PLCH1: variants seen among roughly 807,000 people sequenced by gnomAD.
PLCH1 encodes the protein phospholipase C eta 1, also known as 1-phosphatidylinositol 4,5-bisphosphate phosphodiesterase eta-1.
A neutral mutation model predicts 126.7 loss-of-function variants in PLCH1; 60 were observed. That is an observed-to-expected ratio of 0.47 (90% confidence interval 0.38 to 0.59). The LOEUF is 0.59. Among genes scored for constraint, PLCH1 ranks in the 20% least tolerant of loss-of-function variants. The pLI, the probability that PLCH1 is intolerant of heterozygous loss-of-function variation, is 0.00. For missense variants in PLCH1, 1,723 were observed against 2,040.0 expected (o/e 0.84, Z 2.99); for synonymous variants, 719 against 734.9 (o/e 0.98, Z 0.35).
At chr3:155,588,390 T>C (rs888439467) in intron 4 of PLCH1, among the ~76,000 whole-genome samples, 6 of 152,042 alleles carry the variant, frequency 3.9e-5, no homozygotes, top group Middle Eastern at 3.2e-3. Flanking sequence ...CTGAGTCTCA[T>C]TTTCTTCTGT....
chr3:155,624,912 C>A (rs577381378), intron 2 of PLCH1, among the ~76,000 whole-genome samples: 1 of 152,204 alleles, frequency 6.6e-6, no homozygotes, highest in South Asian at 2.1e-4. Context: ...TCATATGGAA[C>A]AACAAAAGAG....
At chr3:155,527,058 G>A (rs1375738247) in intron 10 of PLCH1, among the ~76,000 whole-genome samples, 1 of 152,064 alleles carries the variant, frequency 6.6e-6, no homozygotes, top group Non-Finnish European at 1.5e-5. Flanking sequence ...GGTTCAACTT[G>A]GTCCCACTTT....
intron 10 of PLCH1, among the ~76,000 whole-genome samples, chr3:155,549,160 T>G (rs1469343947): frequency 6.6e-6 from 1 of 152,194 alleles, no homozygotes; most frequent in Non-Finnish European, 1.5e-5. Flanking sequence ...AAGAACTGTC[T>G]TTCTGGCTAT....
intron 21 of PLCH1, among the ~76,000 whole-genome samples, chr3:155,459,573 GA>G (rs1397045871): frequency 1.3e-5 from 2 of 152,142 alleles, no homozygotes; most frequent in African/African-American, 4.8e-5. Context: ...GAGTAATTGA[GA>G]AAGGGGTCAG....
intron 2 of PLCH1, among the ~76,000 whole-genome samples, chr3:155,678,381 G>A (rs1197009317): frequency 5.3e-5 from 8 of 152,098 alleles, no homozygotes; most frequent in Admixed American, 5.2e-4. Flanking sequence ...TAGGGCAGGT[G>A]GGCAAGCTTT....
chr3:155,474,010 G>C (rs971911255), intron 21 of PLCH1, among the ~76,000 whole-genome samples: 2 of 151,908 alleles, frequency 1.3e-5, no homozygotes, highest in African/African-American at 4.8e-5. Flanking sequence ...CAGGACATAG[G>C]CATGGGCAAG....
chr3:155,584,852 C>T (rs928181672), intron 5 of PLCH1, among the ~76,000 whole-genome samples: 1 of 152,132 alleles, frequency 6.6e-6, no homozygotes, highest in Non-Finnish European at 1.5e-5. Context: ...TGTCCCCCCC[C>T]TTTAGGATTG....
chr3:155,719,139 G>C (rs1267947471), intron 1 of PLCH1, among the ~76,000 whole-genome samples: 1 of 152,132 alleles, frequency 6.6e-6, no homozygotes, highest in Admixed American at 6.6e-5. Flanking sequence ...TACCCAATGT[G>C]TAGTGTAGTC....
chr3:155,640,103 C>A (rs568762946), intron 2 of PLCH1, among the ~76,000 whole-genome samples: 1 of 152,310 alleles, frequency 6.6e-6, no homozygotes, highest in Admixed American at 6.5e-5. Flanking sequence ...CGGACTTATA[C>A]AAACCTCTAT....
intron 1 of PLCH1, among the ~76,000 whole-genome samples, chr3:155,719,016 G>GT: frequency 6.6e-6 from 1 of 151,816 alleles, no homozygotes; most frequent in East Asian, 1.9e-4. Flanking sequence ...ATGCATGGAA[G>GT]TTTTTTTTCC....
At chr3:155,713,505 T>C (rs358719) in intron 1 of PLCH1, among the ~76,000 whole-genome samples, 1,991 of 151,870 alleles carry the variant, frequency 0.013, 23 homozygotes, top group Non-Finnish European at 0.021. Context: ...GTCTGAGAGG[T>C]GTGTGTGTTC....
intron 2 of PLCH1, among the ~76,000 whole-genome samples, chr3:155,677,247 C>T (rs1744168658): frequency 6.6e-6 from 1 of 152,220 alleles, no homozygotes; most frequent in African/African-American, 2.4e-5. Context: ...AGGCAATTCC[C>T]ACCAGGGCCA....
At chr3:155,563,065 TA>T in intron 8 of PLCH1, among the ~76,000 whole-genome samples, 1 of 152,344 alleles carries the variant, frequency 6.6e-6, no homozygotes, top group Middle Eastern at 3.4e-3. Flanking sequence ...TATTCCTTTC[TA>T]ACCCTTTCAT....
intron 2 of PLCH1, among the ~76,000 whole-genome samples, chr3:155,604,133 A>G (rs1290776868): frequency 1.3e-5 from 2 of 152,076 alleles, no homozygotes; most frequent in African/African-American, 2.4e-5. Flanking sequence ...AAGTGAAGCC[A>G]TTATCTGTGA....
At chr3:155,595,577 T>G (rs1732877854) in intron 3 of PLCH1, among the ~76,000 whole-genome samples, 1 of 152,226 alleles carries the variant, frequency 6.6e-6, no homozygotes, top group African/African-American at 2.4e-5. Flanking sequence ...CCCCTGCTTC[T>G]CAGGCCTTTG....
chr3:155,531,831 C>G (rs960017266), intron 10 of PLCH1, among the ~76,000 whole-genome samples: 1 of 152,206 alleles, frequency 6.6e-6, no homozygotes, highest in East Asian at 1.9e-4. Context: ...CCTCACCTCT[C>G]TCAGCCTTCA....
At chr3:155,642,044 G>A (rs1330132400) in intron 2 of PLCH1, among the ~76,000 whole-genome samples, 2 of 152,134 alleles carry the variant, frequency 1.3e-5, no homozygotes, top group Non-Finnish European at 2.9e-5. Flanking sequence ...AGCTAAATCT[G>A]CCTAGCATTT....
chr3:155,513,483 C>T (rs540857214), intron 12 of PLCH1, among the ~76,000 whole-genome samples: 2 of 152,134 alleles, frequency 1.3e-5, no homozygotes, highest in South Asian at 2.1e-4. Context: ...CTTCTCCAAA[C>T]GCATAAGGGA....
intron 5 of PLCH1, among the ~76,000 whole-genome samples, chr3:155,584,351 T>G (rs752074664): frequency 5.6e-4 from 86 of 152,364 alleles, no homozygotes; most frequent in Non-Finnish European, 9.7e-4. Flanking sequence ...AGAATCTCTC[T>G]TAATTCTCCA....
Sources: allele counts gnomAD v4.1 joint callset (sites outside exome capture counted in the v4.1 genomes callset), GRCh38; gene constraint gnomAD v4.1.1; transcripts MANE v1.5; gene names NCBI Gene and HGNC (gene_info 2026-07-23, HGNC 2026-07-21).